The following SYNJ2 variants were observed in gnomAD, a reference collection of about 807,000 sequenced individuals.
The protein encoded by SYNJ2 is polyphosphatidylinositol phosphatase SYNJ2.
SYNJ2 carries 116 observed loss-of-function variants against 141.3 expected under a neutral mutation model. The observed-to-expected ratio is 0.82, with a 90% CI of 0.71 to 0.96. The LOEUF (loss-of-function observed/expected upper bound fraction) is 0.96, where lower values mean the gene tolerates loss of function less well. SYNJ2 is among the 40% of genes least tolerant of loss of function. The pLI, the probability that SYNJ2 is intolerant of heterozygous loss-of-function variation, is 0.00. For synonymous variants in SYNJ2, 745 were observed against 777.7 expected (o/e 0.96, Z 0.70); for missense variants, 1,873 against 1,934.8 (o/e 0.97, Z 0.60).
At chr6:158,054,541 T>G (rs562476955) in intron 5 of SYNJ2, among the ~76,000 whole-genome samples, 1 of 152,344 alleles carries the variant, frequency 6.6e-6, no homozygotes, top group Admixed American at 6.5e-5. Flanking sequence ...ATTTGATCAT[T>G]AGGATGACTC....
At chr6:158,023,344 A>C (rs1778877609) in intron 2 of SYNJ2, among the ~76,000 whole-genome samples, 1 of 151,652 alleles carries the variant, frequency 6.6e-6, no homozygotes, top group Non-Finnish European at 1.5e-5. Context: ...TGTCAATGAG[A>C]TTAGGCAGGA....
intron 7 of SYNJ2, among the ~76,000 whole-genome samples, chr6:158,060,139 A>G (rs2128361029): frequency 6.6e-6 from 1 of 152,226 alleles, no homozygotes; most frequent in Non-Finnish European, 1.5e-5. Context: ...GCTGGCCTTC[A>G]AATTTCCCCC....
intron 23 of SYNJ2, among the ~76,000 whole-genome samples, chr6:158,087,242 A>G (rs191386325): frequency 1.3e-5 from 2 of 152,246 alleles, no homozygotes; most frequent in African/African-American, 4.8e-5. Context: ...TATTGCTTCA[A>G]ACTGCTCTCC....
intron 26 of SYNJ2, chr6:158,093,856 T>G: frequency 1.3e-6 from 1 of 763,468 alleles, no homozygotes; most frequent in Admixed American, 1.7e-5. Context: ...CTACGAGAGG[T>G]TCCACAGCTT....
At chr6:158,061,887 G>A (rs1302184666) in intron 7 of SYNJ2, 105 bp from the exon 8 acceptor site, 2 of 1,167,558 alleles carry the variant, frequency 1.7e-6, no homozygotes, top group African/African-American at 1.5e-5. Flanking sequence ...ACGTCCTGCG[G>A]CGAGTCACCT....
intron 2 of SYNJ2, 37 bp downstream of exon 2, chr6:158,017,327 TC>T (rs758644042): frequency 5.7e-5 from 90 of 1,583,058 alleles, no homozygotes; most frequent in Non-Finnish European, 7.3e-5. Context: ...GGCGCCAGGC[TC>T]CCCGGTGGGC....
chr6:158,060,384 C>T (rs531994339), intron 7 of SYNJ2, among the ~76,000 whole-genome samples: 1 of 152,340 alleles, frequency 6.6e-6, no homozygotes, highest in African/African-American at 2.4e-5. Context: ...CCAGAATGAG[C>T]CAAGGGGGCT....
chr6:158,051,506 TAAAAA>T (rs111345675), intron 5 of SYNJ2, among the ~76,000 whole-genome samples: 116 of 150,118 alleles, frequency 7.7e-4, no homozygotes, highest in African/African-American at 2.8e-3. Context: ...AGCAAAAAAA[TAAAAA>T]AAAACCCCAC....
At chr6:158,059,492 C>A in intron 7 of SYNJ2, 139 bp downstream of exon 7, 1 of 1,471,032 alleles carries the variant, frequency 6.8e-7, no homozygotes, top group South Asian at 1.3e-5. Context: ...CCCCAGCATT[C>A]CGACCAGTGA....
intron 20 of SYNJ2, among the ~76,000 whole-genome samples, chr6:158,082,533 G>A (rs1256442747): frequency 7.9e-5 from 12 of 151,198 alleles, no homozygotes; most frequent in Middle Eastern, 3.4e-3. Flanking sequence ...ATGGTGGCGC[G>A]TGCCTCTAGT....
Position 158,063,782 on chromosome 6 carries a change from T to C in SYNJ2, c.1128-9T>C, listed in dbSNP as rs752897390. On this transcript the variant is annotated splice_polypyrimidine_tract_variant and intron_variant, in intron 8 of 26. Coordinates refer to ENST00000355585, the MANE Select transcript of SYNJ2 (RefSeq NM_003898.4). Reference sequence around the variant, plus strand: ...ACATATAACCGTTTACATTTCTTCTTGTCCTAAGTTTTCAGAAAGGCACTT... The same window carrying C: ...ACATATAACCGTTTACATTTCTTCTCGTCCTAAGTTTTCAGAAAGGCACTT... 12 of 1,612,494 alleles carry C rather than the reference T, an allele frequency of 7.4e-6. No homozygotes were observed. The South Asian group carries it at 1.3e-4, about 18-fold the overall frequency.
chr6:158,067,549 CTTGGTTTTTTTG>C (rs1781644256), intron 12 of SYNJ2: 1 of 985,286 alleles, frequency 1.0e-6, no homozygotes, highest in Non-Finnish European at 1.2e-6. Flanking sequence ...TGACTCGGGC[CTTGGTTTTTTTG>C]TTTGTTTGTT....
intron 3 of SYNJ2, 87 bp downstream of exon 3, chr6:158,029,113 A>G: frequency 7.9e-7 from 1 of 1,271,868 alleles, no homozygotes; most frequent in East Asian, 3.4e-5. Flanking sequence ...CTTGACCTCC[A>G]CTTGCACCAC....
chr6:158,086,382 A>G (rs1181931119), intron 22 of SYNJ2, among the ~76,000 whole-genome samples: 1 of 152,080 alleles, frequency 6.6e-6, no homozygotes, highest in East Asian at 1.9e-4. Context: ...TTGGGATTTG[A>G]TGAGTAAGCA....
intron 5 of SYNJ2, among the ~76,000 whole-genome samples, chr6:158,046,481 C>T (rs1484050501): frequency 2.0e-5 from 3 of 152,218 alleles, no homozygotes; most frequent in Non-Finnish European, 4.4e-5. Flanking sequence ...TTTTTCTCCA[C>T]TTTGAACTTT....
At chr6:158,026,985 G>A (rs1779081297) in intron 2 of SYNJ2, 1 of 985,386 alleles carries the variant, frequency 1.0e-6, no homozygotes, top group South Asian at 4.7e-5. Flanking sequence ...GTTTTGAGGT[G>A]GTTTCCTGAG....
upstream of SYNJ2, chr6:157,981,838 C>T: frequency 2.2e-6 from 2 of 890,030 alleles, no homozygotes; most frequent in Non-Finnish European, 1.5e-6. This position sits in a 1 kb window ranked among gnomAD's most constrained non-coding sequence, Gnocchi z 6.4. Flanking sequence ...AGGAGCCTGG[C>T]GCGGCGGGAG....
intron 5 of SYNJ2, among the ~76,000 whole-genome samples, chr6:158,044,521 G>A (rs563111258): frequency 4.7e-4 from 71 of 152,180 alleles, no homozygotes; most frequent in Non-Finnish European, 9.3e-4. Flanking sequence ...CGAGATAACT[G>A]ACGGCCTCCG....
rs553321566 is a variant in SYNJ2, at chr6:158,062,416, C to T, written c.1127+252C>T. Among the ~76,000 whole-genome samples, 32 of 152,254 alleles carry T rather than the reference C, an allele frequency of 2.1e-4. No individual in the cohort carries two copies. In the East Asian group the frequency reaches 6.2e-3, roughly 29 times the overall value. ...TCATCTCCCTTCCCACAGTAGGAGA[C>T]AGGCTTTTGAATTTCTCAAGGAGAT... is the stretch of plus-strand genomic sequence containing the variant. On this transcript the variant is annotated intron_variant, in intron 8 of 26. Coordinates refer to ENST00000355585, the MANE Select transcript of SYNJ2 (RefSeq NM_003898.4).
Sources: allele counts gnomAD v4.1 joint callset (sites outside exome capture counted in the v4.1 genomes callset), GRCh38; gene constraint gnomAD v4.1.1; non-coding constraint Gnocchi (gnomAD v3.1); transcripts MANE v1.5; gene names NCBI Gene and HGNC (gene_info 2026-07-23, HGNC 2026-07-21).